PCDH7: variants seen among roughly 807,000 people sequenced by gnomAD.
PCDH7 encodes protocadherin-7.
Under a neutral mutation model 58.9 loss-of-function variants are expected in PCDH7, and 17 were observed. The ratio of observed to expected loss-of-function variants is 0.29; its 90% CI spans 0.20 to 0.43. The LOEUF (loss-of-function observed/expected upper bound fraction) is 0.43. PCDH7 is among the 20% of genes least tolerant of loss of function. The pLI, the probability that PCDH7 is intolerant of heterozygous loss-of-function variation, is 1.00. For synonymous variants in PCDH7, 664 were observed against 616.4 expected (o/e 1.08, Z -1.14); for missense variants, 1,274 against 1,441.0 (o/e 0.88, Z 1.88).
At chr4:30,854,149 T>C (rs756739154) in intron 1 of PCDH7, among the ~76,000 whole-genome samples, 1 of 151,260 alleles carries the variant, frequency 6.6e-6, no homozygotes, top group Non-Finnish European at 1.5e-5. Context: ...AAAAATAAAG[T>C]CTTCTATTAA....
rs1273170181 is a variant in PCDH7, at chr4:30,722,857, G to C, written c.1435G>C (p.Asp479His). 6.2e-7 allele frequency: 1 copy of C among 1,613,820 alleles called. No homozygotes were observed. The highest frequency in any genetic ancestry group is 8.5e-7 in the Non-Finnish European group (1 of 1,180,032). Residue 479 changes from aspartate (D) to histidine (H), a missense_variant, in exon 1 of 2, where the codon GAC becomes CAC. Asp to His is a moderately conservative substitution (Grantham distance 81). Around this residue, in one of 3 missense-constraint regions of PCDH7, gnomAD observed 731 missense variants for 881.9 expected, o/e 0.83. Coordinates refer to ENST00000361762, the Ensembl canonical transcript of PCDH7. The surrounding 1 kb of genome is among the most constrained non-coding windows in gnomAD (Gnocchi z 7.6). The stretch of plus-strand genomic sequence containing the variant: ...CAAGCCAGCCAGCGACACCGAGGGC[G>C]ACCAGAACAAGAAAAAGTACTTCTT...
intron 1 of PCDH7, among the ~76,000 whole-genome samples, chr4:30,871,237 AC>A (rs2109362208): frequency 6.6e-6 from 1 of 152,154 alleles, no homozygotes; most frequent in African/African-American, 2.4e-5. Flanking sequence ...CCAAGGACTT[AC>A]CCCCAGAGTT....
At chr4:31,118,929 C>T (rs10446640) in intron 3 of PCDH7, among the ~76,000 whole-genome samples, 3,686 of 152,176 alleles carry the variant, frequency 0.024, 73 homozygotes, top group Non-Finnish European at 0.033. Flanking sequence ...TGTTGGCTTA[C>T]TCCTCTTTTT....
At chr4:30,976,369 G>C (rs1286718592) in intron 3 of PCDH7, among the ~76,000 whole-genome samples, 1 of 148,180 alleles carries the variant, frequency 6.7e-6, no homozygotes, top group African/African-American at 2.5e-5. Flanking sequence ...GGAATTACAG[G>C]CATGAGCCAC....
intron 3 of PCDH7, among the ~76,000 whole-genome samples, chr4:31,056,643 A>G (rs899512193): frequency 7.4e-5 from 11 of 148,918 alleles, no homozygotes; most frequent in Admixed American, 6.7e-5. Flanking sequence ...GAGGAGAGAG[A>G]GAGAGAAAGA....
intron 3 of PCDH7, among the ~76,000 whole-genome samples, chr4:31,045,805 T>A (rs1756238886): frequency 6.6e-6 from 1 of 151,976 alleles, no homozygotes. Flanking sequence ...TGAACAGTTC[T>A]TTCATTGCAC....
intron 3 of PCDH7, among the ~76,000 whole-genome samples, chr4:31,001,492 G>C (rs1752360874): frequency 6.6e-6 from 1 of 152,032 alleles, no homozygotes. Flanking sequence ...TAAAGTATAT[G>C]TTTGTGTTTC....
chr4:30,735,598 C>T (rs988712682), downstream of PCDH7, among the ~76,000 whole-genome samples: 38 of 152,156 alleles, frequency 2.5e-4, no homozygotes, highest in Admixed American at 2.2e-3. Flanking sequence ...GTCAGCAACT[C>T]ACAGAGATCA....
chr4:30,764,762 C>T (rs1445399212), intron 1 of PCDH7, among the ~76,000 whole-genome samples: 1 of 152,064 alleles, frequency 6.6e-6, no homozygotes, highest in Non-Finnish European at 1.5e-5. Context: ...TGCTCTGTCA[C>T]CAGGCTGGAG....
intron 1 of PCDH7, among the ~76,000 whole-genome samples, chr4:30,828,890 A>G (rs1729433524): frequency 6.6e-6 from 1 of 151,912 alleles, no homozygotes; most frequent in Admixed American, 6.6e-5. Context: ...GTTAATCAAT[A>G]TATTTCTTAA....
rs1021738961 is a variant in PCDH7, at chr4:31,041,661, A to G, written c.*7+91446A>G. Reference sequence around the variant, plus strand: ...TTGTTTCAGTTGGCATTGCTTTGCTAGTTATTTACATTTTCATTAGGGCAG... The same window carrying G: ...TTGTTTCAGTTGGCATTGCTTTGCTGGTTATTTACATTTTCATTAGGGCAG... On this transcript the variant is annotated intron_variant, in intron 3 of 3. Transcript: ENST00000509759. 3.9e-5 allele frequency among the ~76,000 whole-genome samples: 6 copies of G among 152,074 alleles called. No individual in the cohort carries two copies. In the East Asian group the frequency reaches 1.2e-3, roughly 30 times the overall value.
chr4:30,752,799 A>G (rs867687640), intron 1 of PCDH7, among the ~76,000 whole-genome samples: 44 of 150,194 alleles, frequency 2.9e-4, no homozygotes, highest in South Asian at 6.2e-4. Flanking sequence ...AAAAAAAAAA[A>G]AAAGAAAGAA....
At chr4:31,067,695 G>A (rs1003464970) in intron 3 of PCDH7, among the ~76,000 whole-genome samples, 2 of 151,934 alleles carry the variant, frequency 1.3e-5, no homozygotes, top group African/African-American at 2.4e-5. Flanking sequence ...TATATTACCA[G>A]CTTAGTTCAT....
At chr4:30,832,340 ACTTGCTTT>A (rs891371172) in intron 1 of PCDH7, among the ~76,000 whole-genome samples, 1 of 152,138 alleles carries the variant, frequency 6.6e-6, no homozygotes, top group Non-Finnish European at 1.5e-5. Flanking sequence ...TTTCTTGCTT[ACTTGCTTT>A]CTTGCTTTCT....
At chr4:31,050,964 G>T (rs1008114989) in intron 3 of PCDH7, among the ~76,000 whole-genome samples, 3 of 152,060 alleles carry the variant, frequency 2.0e-5, no homozygotes, top group Non-Finnish European at 4.4e-5. Flanking sequence ...ATGCTCGTGT[G>T]TTTCAAAAAG....
chr4:30,723,089 C>T lies in PCDH7; in HGVS notation c.1667C>T (p.Thr556Met), dbSNP rs1486124132. The change falls in exon 1 of 2, where the codon ACG (threonine) becomes ATG (methionine). Residue 556 changes from threonine to methionine, a missense_variant. By Grantham distance (81) the Thr-to-Met change is moderately conservative (BLOSUM62 -1). Around this residue, in one of 3 missense-constraint regions of PCDH7, gnomAD observed 731 missense variants for 881.9 expected, o/e 0.83. Transcript: ENST00000361762. This position sits in a 1 kb window ranked among gnomAD's most constrained non-coding sequence, Gnocchi z 4.6. ...AACATCCCGGGCGAGAGGGTGGCCA[C>T]GGTGCTGGCGACAGACGCAGACAGC... 4 of 1,613,762 alleles carry T rather than the reference C, an allele frequency of 2.5e-6. No homozygotes were observed. Among genetic ancestry groups the T allele is most frequent in the African/African-American group, 1.3e-5 (1 of 74,912 alleles).
At chr4:31,066,300 T>G (rs1016603647) in intron 3 of PCDH7, among the ~76,000 whole-genome samples, 13 of 151,944 alleles carry the variant, frequency 8.6e-5, no homozygotes, top group Non-Finnish European at 1.5e-5. Context: ...TAATCCAGCT[T>G]GATATTGTGT....
chr4:30,904,646 C>A (rs889210321), intron 1 of PCDH7, among the ~76,000 whole-genome samples: 30 of 152,302 alleles, frequency 2.0e-4, no homozygotes, highest in African/African-American at 6.3e-4. Context: ...TATTTCCCTG[C>A]AGTCATCTGA....
intron 1 of PCDH7, among the ~76,000 whole-genome samples, chr4:30,851,204 C>A (rs1732692777): frequency 6.6e-6 from 1 of 151,742 alleles, no homozygotes; most frequent in South Asian, 2.1e-4. Context: ...AGGTATCACA[C>A]AAATGCTAAA....
Sources: gnomAD v4.1 joint callset for allele counts (sites outside exome capture counted in the v4.1 genomes callset) on GRCh38, gnomAD v4.1.1 for gene constraint, gnomAD v4.1.1 regional missense constraint, Gnocchi (gnomAD v3.1) non-coding constraint, MANE v1.5 for transcripts, NCBI Gene and HGNC (gene_info 2026-07-23, HGNC 2026-07-21) for gene names.